The following TMEM156 variants were observed in gnomAD, a reference collection of about 807,000 sequenced individuals.
TMEM156 encodes the protein transmembrane protein 156.
TMEM156 carries 28 observed loss-of-function variants against 30.5 expected under a neutral mutation model. That is an observed-to-expected ratio of 0.92 (90% CI 0.68 to 1.26). The LOEUF is 1.26. TMEM156 is among the 50% of genes most tolerant of loss of function. The probability of loss-of-function intolerance (pLI) is 0.00; values close to 1 mark genes in which losing one functional copy is unlikely to be tolerated. For synonymous variants in TMEM156, 137 were observed against 119.9 expected (o/e 1.14, Z -0.93); for missense variants, 351 against 340.6 (o/e 1.03, Z -0.24).
Position 38,979,117 on chromosome 4 carries a change from T to C in TMEM156, c.823+7219A>G, listed in dbSNP as rs566365009. ...GATTAATGCACTGGCCTTGAGGTTT[T>C]ATAAACCTGTTGGTGTGAACTGCAT... is the stretch of plus-strand genomic sequence containing the variant. On this transcript the variant is annotated intron_variant, in intron 5 of 6. Coordinates refer to ENST00000381938, the MANE Select transcript of TMEM156 (RefSeq NM_024943.3). Among the ~76,000 whole-genome samples the C allele has an allele frequency of 7.9e-5, 12 of 152,372 alleles. No homozygotes were observed. In the South Asian group the frequency reaches 2.5e-3, roughly 32 times the overall value.
At chr4:39,019,127 A>G (rs2110048406) in intron 1 of TMEM156, among the ~76,000 whole-genome samples, 1 of 150,428 alleles carries the variant, frequency 6.6e-6, no homozygotes, top group East Asian at 1.9e-4. Flanking sequence ...GAATTTGAGG[A>G]TTTACGTCTT....
At chr4:38,989,564 G>C (rs1157258466) in intron 3 of TMEM156, among the ~76,000 whole-genome samples, 1 of 152,132 alleles carries the variant, frequency 6.6e-6, no homozygotes, top group Non-Finnish European at 1.5e-5. Context: ...AGTTGCCCTG[G>C]CCTAAATTTA....
At chr4:38,984,229 G>T (rs1711784967) in intron 5 of TMEM156, among the ~76,000 whole-genome samples, 1 of 152,088 alleles carries the variant, frequency 6.6e-6, no homozygotes, top group Admixed American at 6.5e-5. Context: ...GCACAATGTG[G>T]TGCCTGCGTC....
At position 38,990,841 on chromosome 4, in the gene TMEM156, T is replaced by G. The variant is rs867540109; in HGVS notation, c.620-1871A>C. Among the ~76,000 whole-genome samples, 358 of 132,470 alleles carry G rather than the reference T, an allele frequency of 2.7e-3. 10 individuals carry two copies. Among genetic ancestry groups the G allele is most frequent in the Non-Finnish European group, 4.3e-3 (261 of 61,062 alleles). 86.9% of individuals were successfully genotyped at this position (132,470 alleles called of 152,430 possible). The stretch of plus-strand genomic sequence containing the variant: ...TGGTTTGTTTTCTGGTTTTTTTTTT[T>G]TTTTTTTTTTTTGAGAGGGAGTCTC... On this transcript the variant is annotated intron_variant, in intron 3 of 6. Coordinates refer to ENST00000381938, the MANE Select transcript of TMEM156 (RefSeq NM_024943.3).
chr4:39,002,034 G>A lies in TMEM156; in HGVS notation c.89-3125C>T, dbSNP rs544644587. 9.9e-4 allele frequency among the ~76,000 whole-genome samples: 133 copies of A among 134,842 alleles called. 6 individuals carry two copies. Among genetic ancestry groups the A allele is most frequent in the Non-Finnish European group, 1.7e-3 (102 of 60,332 alleles). The allele number at this position is 134,842 out of a possible 152,430, so 88.5% of individuals were successfully genotyped here. A position where few individuals can be genotyped will look rare whatever the true frequency, so the allele number is the denominator to read the frequency against. On this transcript the variant is annotated intron_variant, in intron 1 of 6. Coordinates refer to ENST00000381938, the MANE Select transcript of TMEM156 (RefSeq NM_024943.3). Reference sequence around the variant, plus strand: ...CAACAAAAGACAAAATTGACAAATGGGATCTAATTAAACTAAAGAGCTTCT... The same window carrying A: ...CAACAAAAGACAAAATTGACAAATGAGATCTAATTAAACTAAAGAGCTTCT...
chr4:38,981,748 T>C (rs1711567789), intron 5 of TMEM156, among the ~76,000 whole-genome samples: 1 of 152,192 alleles, frequency 6.6e-6, no homozygotes, highest in Non-Finnish European at 1.5e-5. Context: ...GTACAGAACA[T>C]ACGGAAGGTG....
chr4:38,992,325 C>G (rs749787351), intron 3 of TMEM156, among the ~76,000 whole-genome samples: 6 of 152,002 alleles, frequency 3.9e-5, no homozygotes, highest in African/African-American at 9.7e-5. Context: ...GCCTAGCATA[C>G]AGCAGGCACT....
At chr4:39,019,817 T>G (rs143671083) in intron 1 of TMEM156, among the ~76,000 whole-genome samples, 160 of 152,266 alleles carry the variant, frequency 1.1e-3, no homozygotes, top group African/African-American at 3.6e-3. Context: ...GGCGAGAACA[T>G]TTACTCTCTT....
intron 3 of TMEM156, among the ~76,000 whole-genome samples, chr4:38,991,445 T>A (rs2109943869): frequency 6.6e-6 from 1 of 152,004 alleles, no homozygotes; most frequent in South Asian, 2.1e-4. Flanking sequence ...AGTCTCGAAC[T>A]CCTGTGCTCA....
intron 5 of TMEM156, among the ~76,000 whole-genome samples, chr4:38,982,214 C>T (rs988438391): frequency 2.0e-5 from 3 of 152,214 alleles, no homozygotes; most frequent in Non-Finnish European, 2.9e-5. Context: ...CTTGGAACAT[C>T]GGATTCCAGT....
intron 5 of TMEM156, chr4:38,980,962 G>T (rs754883510): frequency 5.1e-5 from 50 of 984,784 alleles, no homozygotes; most frequent in Non-Finnish European, 5.9e-5. Flanking sequence ...GTCCTATTCC[G>T]CCTATAGATT....
At chr4:39,021,928 C>T (rs971013026) in intron 1 of TMEM156, among the ~76,000 whole-genome samples, 1 of 152,168 alleles carries the variant, frequency 6.6e-6, no homozygotes, top group Non-Finnish European at 1.5e-5. Flanking sequence ...ATTCCAATAT[C>T]GGAATTCTTT....
At chr4:38,990,058 G>T (rs1225076753) in intron 3 of TMEM156, among the ~76,000 whole-genome samples, 4 of 152,204 alleles carry the variant, frequency 2.6e-5, no homozygotes, top group African/African-American at 9.6e-5. Flanking sequence ...GCCTCCCAAA[G>T]TGCTGGGATT....
intron 1 of TMEM156, among the ~76,000 whole-genome samples, chr4:39,022,064 G>T (rs886851508): frequency 6.6e-6 from 1 of 152,164 alleles, no homozygotes; most frequent in African/African-American, 2.4e-5. Flanking sequence ...TTTGAGGAAT[G>T]GTGTAAAGAT....
chr4:39,020,291 G>A (rs112475997), intron 1 of TMEM156, among the ~76,000 whole-genome samples: 5 of 152,214 alleles, frequency 3.3e-5, no homozygotes, highest in African/African-American at 9.6e-5. Context: ...TTCCACATCC[G>A]GACTATTGTG....
chr4:38,988,516 G>A lies in TMEM156; in HGVS notation c.739+335C>T, dbSNP rs779585138. 3.3e-5 allele frequency among the ~76,000 whole-genome samples: 5 copies of A among 152,308 alleles called. No homozygotes were observed. The East Asian group carries it at 7.7e-4, about 24-fold the overall frequency. On this transcript the variant is annotated intron_variant, in intron 4 of 6. Coordinates refer to ENST00000381938, the MANE Select transcript of TMEM156 (RefSeq NM_024943.3). ...CAAGGTGCTGGGATTACAGGCATGA[G>A]TCACCGCGCTCGGCCTGAAATTCTT...
intron 5 of TMEM156, among the ~76,000 whole-genome samples, chr4:38,972,549 C>A (rs1304345174): frequency 1.3e-5 from 2 of 151,516 alleles, no homozygotes; most frequent in African/African-American, 4.8e-5. Flanking sequence ...CCATTCCCTG[C>A]CTCTTTCTTT....
In TMEM156 at chr4:38,998,776, A is replaced by G. The variant is rs1713115789; in HGVS notation, c.222T>C (p.Phe74=). The part of the protein sequence containing the change: ...VRETQIIMRI[F]LNPSNFRNFT... ...AGTTACGAAAATTGGAGGGATTTAG[A>G]AAGATTCTCATGATAATCTGAGTTT... The change falls in exon 2 of 7, where the codon TTT becomes TTC. Residue 74 remains phenylalanine (F), a synonymous_variant. Transcript: ENST00000381938. 1 of 1,614,008 alleles carries G rather than the reference A, an allele frequency of 6.2e-7. No individual in the cohort carries two copies. Among genetic ancestry groups the G allele is most frequent in the Admixed American group, 1.7e-5 (1 of 60,010 alleles).
intron 5 of TMEM156, 37 bp downstream of exon 5, chr4:38,986,299 C>T: frequency 2.0e-6 from 3 of 1,464,280 alleles, no homozygotes; most frequent in Non-Finnish European, 2.9e-6. Context: ...TTTGGAATTT[C>T]CTGAGTGCTG....
Sources: gnomAD v4.1 joint callset for allele counts (sites outside exome capture counted in the v4.1 genomes callset) on GRCh38, gnomAD v4.1.1 for gene constraint, MANE v1.5 for transcripts, NCBI Gene and HGNC (gene_info 2026-07-23, HGNC 2026-07-21) for gene names.